The following COX10 variants were observed in gnomAD, a reference collection of about 807,000 sequenced individuals.
The protein encoded by COX10 is cytochrome c oxidase assembly factor heme A:farnesyltransferase COX10, also known as protoheme IX farnesyltransferase, mitochondrial.
In COX10, 27 loss-of-function variants were observed where a neutral mutation model predicts 37.3. The ratio of observed to expected loss-of-function variants is 0.72; its 90% CI spans 0.53 to 1.00. The LOEUF (loss-of-function observed/expected upper bound fraction) is 1.00. COX10 is among the 50% of genes least tolerant of loss of function. The pLI is 0.00. For missense variants in COX10, 475 were observed against 563.2 expected (o/e 0.84, Z 1.59); for synonymous variants, 222 against 229.1 (o/e 0.97, Z 0.28).
intron 4 of COX10, among the ~76,000 whole-genome samples, chr17:14,123,589 G>T (rs1916271680): frequency 6.6e-6 from 1 of 152,160 alleles, no homozygotes; most frequent in Non-Finnish European, 1.5e-5. Context: ...AAATTAGGAA[G>T]GCAGTTTGTA....
intron 4 of COX10, among the ~76,000 whole-genome samples, chr17:14,156,798 G>A (rs533403379): frequency 2.6e-5 from 4 of 152,256 alleles, no homozygotes; most frequent in South Asian, 2.1e-4. Flanking sequence ...TTCAGAGCCC[G>A]TTCTCTGGAC....
At chr17:14,158,704 G>T (rs1490336132) in intron 4 of COX10, among the ~76,000 whole-genome samples, 1 of 152,076 alleles carries the variant, frequency 6.6e-6, no homozygotes, top group African/African-American at 2.4e-5. Flanking sequence ...GGTTAATTTG[G>T]TTTCTTCACT....
At chr17:14,187,417 TTGATGCAAAAAATATATTTAATAGCC>T (rs1786146272) in intron 5 of COX10, among the ~76,000 whole-genome samples, 1 of 152,194 alleles carries the variant, frequency 6.6e-6, no homozygotes, top group Non-Finnish European at 1.5e-5. Context: ...ATTAATGATG[TTGATGCAAAAAATATATTTAATAGCC>T]TGGGGAAATT....
At chr17:14,125,976 C>G (rs747212135) in intron 4 of COX10, among the ~76,000 whole-genome samples, 18 of 152,132 alleles carry the variant, frequency 1.2e-4, no homozygotes, top group Non-Finnish European at 2.6e-4. Context: ...ATCAGACAAC[C>G]TCCATTAAAG....
At chr17:14,084,413 T>C (rs1216341014) in intron 3 of COX10, among the ~76,000 whole-genome samples, 1 of 152,210 alleles carries the variant, frequency 6.6e-6, no homozygotes, top group African/African-American at 2.4e-5. Context: ...AAAACCATTT[T>C]GAATATTTTG....
At chr17:14,095,886 G>T (rs1915639034) in intron 3 of COX10, among the ~76,000 whole-genome samples, 1 of 152,168 alleles carries the variant, frequency 6.6e-6, no homozygotes, top group Non-Finnish European at 1.5e-5. Context: ...AGTTCTCATT[G>T]TGGAGGTTTG....
intron 5 of COX10, among the ~76,000 whole-genome samples, chr17:14,178,717 A>G (rs1905762786): frequency 1.3e-5 from 2 of 152,150 alleles, no homozygotes; most frequent in South Asian, 4.2e-4. Flanking sequence ...GGCCCTGCCA[A>G]CCACTCTTCA....
At chr17:14,150,454 CTT>C (rs946011652) in intron 4 of COX10, among the ~76,000 whole-genome samples, 26 of 152,212 alleles carry the variant, frequency 1.7e-4, no homozygotes, top group Middle Eastern at 3.4e-3. Flanking sequence ...TGTTCACAGT[CTT>C]TGTGTATTAG....
chr17:14,088,987 T>C (rs1163004463), intron 3 of COX10, among the ~76,000 whole-genome samples: 1 of 152,226 alleles, frequency 6.6e-6, no homozygotes, highest in Non-Finnish European at 1.5e-5. Flanking sequence ...GAATTTATTA[T>C]GTCTCATTGG....
intron 4 of COX10, among the ~76,000 whole-genome samples, chr17:14,122,959 C>A (rs1916261125): frequency 6.6e-6 from 1 of 152,170 alleles, no homozygotes; most frequent in Non-Finnish European, 1.5e-5. Context: ...GAATCCAAGC[C>A]AGGTCAGCAC....
intron 4 of COX10, among the ~76,000 whole-genome samples, chr17:14,155,984 A>G (rs146712462): frequency 6.6e-6 from 1 of 152,096 alleles, no homozygotes; most frequent in Non-Finnish European, 1.5e-5. Flanking sequence ...GCACATTAGC[A>G]TGGCACGTGA....
intron 4 of COX10, among the ~76,000 whole-genome samples, chr17:14,128,876 G>C (rs146594060): frequency 6.6e-6 from 1 of 152,170 alleles, no homozygotes; most frequent in African/African-American, 2.4e-5. Context: ...ACAGAGTCTT[G>C]CTCTGTCGCG....
intron 4 of COX10, among the ~76,000 whole-genome samples, chr17:14,116,069 C>T (rs1916102069): frequency 6.6e-6 from 1 of 152,152 alleles, no homozygotes; most frequent in East Asian, 1.9e-4. Flanking sequence ...AAGTTAATGG[C>T]AATGTAAAAG....
At chr17:14,172,835 G>A (rs1052920068) in intron 5 of COX10, among the ~76,000 whole-genome samples, 3 of 151,872 alleles carry the variant, frequency 2.0e-5, no homozygotes, top group Non-Finnish European at 4.4e-5. Context: ...TTACAAGTGC[G>A]AGCCAACACA....
intron 4 of COX10, among the ~76,000 whole-genome samples, chr17:14,127,260 A>G (rs1355279456): frequency 3.3e-5 from 5 of 152,208 alleles, no homozygotes; most frequent in African/African-American, 9.6e-5. Context: ...GATTATTGTT[A>G]GAAGAATACT....
intron 5 of COX10, among the ~76,000 whole-genome samples, chr17:14,169,911 G>A (rs1905408678): frequency 6.6e-6 from 1 of 152,166 alleles, no homozygotes; most frequent in Non-Finnish European, 1.5e-5. Context: ...GCTTGGTGCT[G>A]TTGTCATGGT....
At chr17:14,202,094 T>TC (rs1567614015) in intron 6 of COX10, among the ~76,000 whole-genome samples, 32 of 36,750 alleles carry the variant, frequency 8.7e-4, no homozygotes, top group East Asian at 1.3e-3. Context: ...ATCTCTCTCT[T>TC]TTTTTTTTTT....
At chr17:14,192,274 A>G in intron 6 of COX10, 53 bp downstream of exon 6, 1 of 1,613,942 alleles carries the variant, frequency 6.2e-7, no homozygotes, top group Admixed American at 1.7e-5. Context: ...TCAAGGAGGC[A>G]TTTCCTCCCT....
intron 3 of COX10, among the ~76,000 whole-genome samples, chr17:14,083,248 T>C (rs1915338741): frequency 6.6e-6 from 1 of 152,242 alleles, no homozygotes; most frequent in African/African-American, 2.4e-5. Flanking sequence ...CTTATTCCAT[T>C]TAAAGAAGCA....
Sources: allele counts gnomAD v4.1 joint callset (sites outside exome capture counted in the v4.1 genomes callset), GRCh38; gene constraint gnomAD v4.1.1; transcripts MANE v1.5; gene names NCBI Gene and HGNC (gene_info 2026-07-23, HGNC 2026-07-21).